Variants in TAF8 observed in about 807,000 individuals in gnomAD.
TAF8 encodes TATA-box binding protein associated factor 8, also known as transcription initiation factor TFIID subunit 8.
In TAF8, 47 loss-of-function variants were observed where a neutral mutation model predicts 36.5. That is an observed-to-expected ratio of 1.29 (90% CI 1.02 to 1.64). TAF8 has a LOEUF of 1.64. Among genes scored for constraint, TAF8 ranks in the 40% most tolerant of loss-of-function variants. TAF8 has a pLI of 0.00. For synonymous variants in TAF8, 175 were observed against 159.5 expected (o/e 1.10, Z -0.73); for missense variants, 420 against 407.6 (o/e 1.03, Z -0.26).
At position 42,077,241 on chromosome 6, in the gene TAF8, T is replaced by C. The variant is rs762032050; in HGVS notation, c.920+2T>C. On this transcript the variant is annotated splice_donor_variant, in intron 8 of 8. Coordinates refer to ENST00000372977, the MANE Select transcript of TAF8 (RefSeq NM_138572.3). LOFTEE classifies it high-confidence loss of function. ...GAAGCCCAAGATCCGCAGGAAGAAG[T>C]GAGTTGGAGGCTGGGGTCCAGAGAG... 1 of 1,611,340 alleles carries C rather than the reference T, an allele frequency of 6.2e-7. No individual in the cohort carries two copies. The highest frequency in any genetic ancestry group is 2.2e-5 in the East Asian group (1 of 44,770).
downstream of TAF8, among the ~76,000 whole-genome samples, chr6:42,085,567 A>T (rs941084480): frequency 6.6e-6 from 1 of 152,220 alleles, no homozygotes; most frequent in Non-Finnish European, 1.5e-5. Flanking sequence ...TTATGCCTGC[A>T]ATCCCAGTGC....
chr6:42,055,970 T>G lies in TAF8; in HGVS notation c.320T>G (p.Leu107Arg). 1 of 1,613,296 alleles carries G rather than the reference T, an allele frequency of 6.2e-7. No homozygotes were observed. The highest frequency in any genetic ancestry group is 8.5e-7 in the Non-Finnish European group (1 of 1,179,168). ...LVEMGFNVDT[L>R]PAYAKRSQRM... ...CTCTTAGGTTTCAATGTGGACACTC[T>G]CCCTGCTTATGCAAAACGGTCTCAG... The change falls in exon 4 of 9, where the codon CTC (leucine) becomes CGC (arginine). Residue 107 changes from leucine to arginine, a missense_variant. Coordinates refer to ENST00000372977, the MANE Select transcript of TAF8 (RefSeq NM_138572.3).
intron 2 of TAF8, 155 bp downstream of exon 2, chr6:42,051,668 A>C: frequency 1.3e-6 from 1 of 773,102 alleles, no homozygotes; most frequent in Non-Finnish European, 2.0e-6. Context: ...AGAAAAGAAA[A>C]CAGCACAATG....
Position 42,066,407 on chromosome 6 carries a change from C to T in TAF8, c.585C>T (p.Ala195=), listed in dbSNP as rs1384214451. The T allele has an allele frequency of 6.2e-7, 1 of 1,614,238 alleles. No homozygotes were observed. Among genetic ancestry groups the T allele is most frequent in the Non-Finnish European group, 8.5e-7 (1 of 1,180,048 alleles). The change falls in exon 6 of 9, where the codon GCC becomes GCT. Residue 195 remains alanine, a synonymous_variant. Transcript: ENST00000372977. ...AGCGGGCACTTACCCGTTTCATGGC[C>T]AAGACAGGCGAGACTCAGAGTCTTT... ...DVERALTRFM[A]KTGETQSLFK...
At chr6:42,059,566 T>G (rs187841295) in intron 5 of TAF8, among the ~76,000 whole-genome samples, 3 of 152,248 alleles carry the variant, frequency 2.0e-5, no homozygotes, top group Admixed American at 1.3e-4. Flanking sequence ...GGTCAGAATC[T>G]TGTAGCCTCC....
chr6:42,057,560 C>T, intron 5 of TAF8, 47 bp downstream of exon 5: 1 of 1,607,330 alleles, frequency 6.2e-7, no homozygotes, highest in Non-Finnish European at 8.5e-7. Context: ...AGCACGGAGT[C>T]AGTTCCTACT....
chr6:42,079,842 C>T lies in TAF8; in HGVS notation c.*2297C>T, dbSNP rs1765869134. On this transcript the variant is annotated 3_prime_UTR_variant, in exon 9 of 9. Coordinates refer to ENST00000372977, the MANE Select transcript of TAF8 (RefSeq NM_138572.3). ...GTGTTGAGATTACAGGCGTGAGCCA[C>T]GGTGCCCAGCCCATCTCTTAGTCTT... 2.0e-6 allele frequency: 2 copies of T among 984,992 alleles called. No individual in the cohort carries two copies. The highest frequency in any genetic ancestry group is 2.4e-6 in the Non-Finnish European group (2 of 829,878). 61.0% of individuals were successfully genotyped at this position (984,992 alleles called of 1,614,324 possible).
At chr6:42,053,977 C>T (rs1764891064) in intron 2 of TAF8, among the ~76,000 whole-genome samples, 1 of 152,132 alleles carries the variant, frequency 6.6e-6, no homozygotes, top group African/African-American at 2.4e-5. Context: ...GTTAGACACC[C>T]TTCCCTGTCA....
At chr6:42,087,231 C>G (rs1053840353), downstream of TAF8, 1 of 180,158 alleles carries the variant, frequency 5.6e-6, no homozygotes, top group East Asian at 1.4e-4. Flanking sequence ...ATATAGCCAG[C>G]TCCAACCCAA....
At chr6:42,087,181 A>G (rs912362695), downstream of TAF8, 1 of 197,048 alleles carries the variant, frequency 5.1e-6, no homozygotes, top group Non-Finnish European at 1.0e-5. Flanking sequence ...GAGCTCTTGG[A>G]GGTGCCCAGG....
At chr6:42,053,968 T>C (rs1480234530) in intron 2 of TAF8, among the ~76,000 whole-genome samples, 2 of 152,178 alleles carry the variant, frequency 1.3e-5, no homozygotes, top group Non-Finnish European at 2.9e-5. Context: ...AGGTCTCTTG[T>C]TAGACACCCT....
rs756132335 is a variant in TAF8 at position 42,056,004 on chromosome 6, C to T, written c.354C>T (p.Val118=). Residue 118 remains valine, a synonymous_variant, in exon 4 of 9, where the codon GTC becomes GTT. Coordinates refer to ENST00000372977, the MANE Select transcript of TAF8 (RefSeq NM_138572.3). The part of the protein sequence containing the change: ...PAYAKRSQRM[V]ITAPPVTNQP... Reference sequence around the variant, plus strand: ...ATGCAAAACGGTCTCAGAGGATGGTCATCACTGCTCGTAAGTGACTTTGAA... The same window carrying T: ...ATGCAAAACGGTCTCAGAGGATGGTTATCACTGCTCGTAAGTGACTTTGAA... 7 of 1,610,314 alleles carry T rather than the reference C, an allele frequency of 4.3e-6. No homozygotes were observed. The highest frequency in any genetic ancestry group is 2.7e-5 in the African/African-American group (2 of 74,880).
intron 2 of TAF8, among the ~76,000 whole-genome samples, chr6:42,052,119 C>T (rs1409979958): frequency 6.6e-6 from 1 of 152,188 alleles, no homozygotes. Flanking sequence ...ATAACAGTTT[C>T]TACCTCATGG....
At chr6:42,087,011 A>G, downstream of TAF8, 1 of 548,402 alleles carries the variant, frequency 1.8e-6, no homozygotes, top group Non-Finnish European at 3.3e-6. Flanking sequence ...CCTCTGAAAT[A>G]CTCTCCCTCC....
chr6:42,077,451 C>T, intron 8 of TAF8, 82 bp from the exon 9 acceptor site: 4 of 1,586,238 alleles, frequency 2.5e-6, no homozygotes, highest in Non-Finnish European at 3.4e-6. Flanking sequence ...GACCAACCCT[C>T]ACAGCACTGG....
At chr6:42,056,060 CT>C (rs752235050) in intron 4 of TAF8, 46 bp downstream of exon 4, 2 of 1,259,356 alleles carry the variant, frequency 1.6e-6, no homozygotes, top group African/African-American at 2.9e-5. Flanking sequence ...TCAATTAATG[CT>C]TGTGGAATGA....
chr6:42,072,728 T>A (rs1765620004), intron 7 of TAF8, among the ~76,000 whole-genome samples: 1 of 150,838 alleles, frequency 6.6e-6, no homozygotes, highest in South Asian at 2.1e-4. Flanking sequence ...TTTTTTTGTT[T>A]GTTTTTTTTT....
chr6:42,078,794 T>C lies in TAF8; in HGVS notation c.*1249T>C. 3.0e-6 allele frequency: 3 copies of C among 985,416 alleles called. No homozygotes were observed. The highest frequency in any genetic ancestry group is 3.6e-6 in the Non-Finnish European group (3 of 829,956). The allele number at this position is 985,416 out of a possible 1,614,324, so 61.0% of individuals were successfully genotyped here. On this transcript the variant is annotated 3_prime_UTR_variant, in exon 9 of 9. Coordinates refer to ENST00000372977, the MANE Select transcript of TAF8 (RefSeq NM_138572.3). ...GCCTAGAGCGTCGGCTCTATTATGC[T>C]GGGACTTGACAGAGGAGCCATGGGG... is the stretch of plus-strand genomic sequence containing the variant.
At position 42,051,471 on chromosome 6, in the gene TAF8, G is replaced by A. The variant is rs942821006; in HGVS notation, c.160G>A (p.Glu54Lys). ...GACAGAGGCAGGGTTTGAGAGTGCC[G>A]AGAAAGCATCCGTGGAAACGCTGAC... ...LLTEAGFESAEKASVETLTEM... is the reference protein window; with the variant it reads ...LLTEAGFESAKKASVETLTEM... Residue 54 changes from glutamate (E) to lysine (K), a missense_variant, in exon 2 of 9, where the codon GAG (glutamate) becomes AAG (lysine). Coordinates refer to ENST00000372977, the MANE Select transcript of TAF8 (RefSeq NM_138572.3). 1.2e-6 allele frequency: 2 copies of A among 1,613,932 alleles called. No homozygotes were observed. The highest frequency in any genetic ancestry group is 1.3e-5 in the African/African-American group (1 of 74,904).
Sources: gnomAD v4.1 joint callset for allele counts (sites outside exome capture counted in the v4.1 genomes callset) on GRCh38, gnomAD v4.1.1 for gene constraint, MANE v1.5 for transcripts, NCBI Gene and HGNC (gene_info 2026-07-23, HGNC 2026-07-21) for gene names.